Variants in MBTD1 observed in about 807,000 individuals in gnomAD.
MBTD1 encodes mbt domain containing 1, also known as MBT domain-containing protein 1.
In MBTD1, 24 loss-of-function variants were observed where a neutral mutation model predicts 87.8. The ratio of observed to expected loss-of-function variants is 0.27; its 90% CI spans 0.20 to 0.38. The LOEUF is 0.38. Among genes scored for constraint, MBTD1 ranks in the 10% least tolerant of loss-of-function variants. MBTD1 has a pLI of 1.00. For synonymous variants in MBTD1, 237 were observed against 248.6 expected, an observed-to-expected ratio of 0.95 and a Z score of 0.44; for missense variants, 436 against 760.2, an observed-to-expected ratio of 0.57 and a Z score of 5.02.
At chr17:51,194,365 T>A (rs1291109868) in intron 13 of MBTD1, among the ~76,000 whole-genome samples, 1 of 151,302 alleles carries the variant, frequency 6.6e-6, no homozygotes, top group Non-Finnish European at 1.5e-5. Flanking sequence ...AGGCCAGGAG[T>A]TCGTGATGAG....
intron 16 of MBTD1, among the ~76,000 whole-genome samples, chr17:51,190,721 CAAAAAAAAAAAAAAAAA>C (rs1165717944): frequency 1.1e-4 from 4 of 35,160 alleles, no homozygotes; most frequent in Admixed American, 5.7e-4. Flanking sequence ...GACTCTGTCT[CAAAAAAAAAAAAAAAAA>C]AAAAAAAAAA....
At chr17:51,236,203 TTTTGTTCACACTGC>T (rs1307097439) in intron 2 of MBTD1, among the ~76,000 whole-genome samples, 5 of 152,172 alleles carry the variant, frequency 3.3e-5, no homozygotes, top group Admixed American at 3.3e-4. Context: ...ATCCCCAGTG[TTTTGTTCACACTGC>T]TTTGTTCACA....
Position 51,259,859 on chromosome 17 carries a change from G to A in MBTD1, c.-137C>T. ...CCAGATCCTTTGTGTTTTCCATCAGGGCCTCATGGGTAGGGGTTGTCCGTG... is the reference window on the plus strand; with the variant it reads ...CCAGATCCTTTGTGTTTTCCATCAGAGCCTCATGGGTAGGGGTTGTCCGTG... On this transcript the variant is annotated 5_prime_UTR_variant, in exon 1 of 17. Coordinates refer to ENST00000586178, the MANE Select transcript of MBTD1 (RefSeq NM_017643.3). 6.5e-6 allele frequency: 8 copies of A among 1,231,928 alleles called. No individual in the cohort carries two copies. The highest frequency in any genetic ancestry group is 8.1e-6 in the Non-Finnish European group (8 of 987,874). 76.3% of individuals were successfully genotyped at this position (1,231,928 alleles called of 1,614,324 possible).
intron 2 of MBTD1, among the ~76,000 whole-genome samples, chr17:51,243,736 A>G (rs1303105616): frequency 1.3e-5 from 2 of 152,166 alleles, no homozygotes; most frequent in Non-Finnish European, 2.9e-5. Flanking sequence ...TATGTTGCCC[A>G]GACTGGACTC....
intron 3 of MBTD1, among the ~76,000 whole-genome samples, chr17:51,223,577 A>G (rs867446263): frequency 6.0e-5 from 9 of 149,680 alleles, no homozygotes; most frequent in Admixed American, 5.3e-4. Flanking sequence ...GGCTCACCCC[A>G]GTAATCCCAG....
intron 2 of MBTD1, among the ~76,000 whole-genome samples, chr17:51,228,135 C>G (rs2053334923): frequency 1.3e-5 from 2 of 152,018 alleles, no homozygotes. Context: ...AAACCAAATA[C>G]CACATGTTCT....
intron 13 of MBTD1, 85 bp from the exon 14 acceptor site, chr17:51,193,595 AT>A (rs2050915985): frequency 1.3e-6 from 1 of 773,696 alleles, no homozygotes; most frequent in Non-Finnish European, 2.2e-6. Flanking sequence ...AGTACAAAAA[AT>A]CTTAAGAGCA....
In MBTD1 at chr17:51,179,482, T is replaced by TTATATATATATA. The variant is rs1491325264; in HGVS notation, c.*1093_*1094insTATATATATATA. ...AAATCCTGAATACAATTAAAGACAA[T>TTATATATATATA]TTTATATATATATATATATATATAT... On this transcript the variant is annotated 3_prime_UTR_variant, in exon 17 of 17. Transcript: ENST00000586178. 3.2e-5 allele frequency: 1 copy of TTATATATATATA among 31,640 alleles called. No individual in the cohort carries two copies. The highest frequency in any genetic ancestry group is 5.3e-5 in the Non-Finnish European group (1 of 18,742). The allele number at this position is 31,640 out of a possible 1,614,324, so 2.0% of individuals were successfully genotyped here.
At chr17:51,182,302 T>C (rs1349618730) in intron 16 of MBTD1, among the ~76,000 whole-genome samples, 2 of 152,082 alleles carry the variant, frequency 1.3e-5, no homozygotes, top group African/African-American at 4.8e-5. Flanking sequence ...TTCTTTTGTA[T>C]TTTTAGTAGA....
intron 16 of MBTD1, among the ~76,000 whole-genome samples, chr17:51,189,144 A>G (rs536594711): frequency 4.1e-5 from 6 of 145,890 alleles, no homozygotes; most frequent in Non-Finnish European, 8.9e-5. Context: ...GGGCCATTTA[A>G]TGTAAATATT....
At position 51,259,878 on chromosome 17, in the gene MBTD1, G is replaced by T; in HGVS notation, c.-156C>A. Reference sequence around the variant, plus strand: ...CATCAGGGCCTCATGGGTAGGGGTTGTCCGTGCTCCCCGAGCCCGCGGCGC... The same window carrying T: ...CATCAGGGCCTCATGGGTAGGGGTTTTCCGTGCTCCCCGAGCCCGCGGCGC... On this transcript the variant is annotated 5_prime_UTR_variant, in exon 1 of 17. Coordinates refer to ENST00000586178, the MANE Select transcript of MBTD1 (RefSeq NM_017643.3). The T allele has an allele frequency of 8.1e-7, 1 of 1,231,864 alleles. No individual in the cohort carries two copies. Among genetic ancestry groups the T allele is most frequent in the Non-Finnish European group, 1.0e-6 (1 of 987,848 alleles). The allele number at this position is 1,231,864 out of a possible 1,614,324, so 76.3% of individuals were successfully genotyped here.
At chr17:51,193,975 TC>T (rs1265322435) in intron 13 of MBTD1, among the ~76,000 whole-genome samples, 1 of 152,118 alleles carries the variant, frequency 6.6e-6, no homozygotes, top group Non-Finnish European at 1.5e-5. Context: ...CAGATTTCCC[TC>T]CCCTCTCTAG....
chr17:51,232,581 T>C (rs980785326), intron 2 of MBTD1, among the ~76,000 whole-genome samples: 3 of 151,710 alleles, frequency 2.0e-5, no homozygotes, highest in African/African-American at 4.8e-5. Flanking sequence ...ACACTCAAAA[T>C]GCAGCAAAGA....
rs2050872041 is a variant in MBTD1, at chr17:51,192,705, AGATGACTTAT to A, written c.1690+67_1690+76del. ...TATATTCTTGTCCTGTGAGCTCATA[AGATGACTTAT>A]GTGAGATAGTCCTCTGGAGAATTGC... On this transcript the variant is annotated intron_variant, in intron 15 of 16. Transcript: ENST00000586178. 3.2e-6 allele frequency: 5 copies of A among 1,579,282 alleles called. No homozygotes were observed. The East Asian group carries it at 1.1e-4, about 35-fold the overall frequency.
intron 6 of MBTD1, 58 bp from the exon 7 acceptor site, chr17:51,207,063 A>C: frequency 6.7e-6 from 6 of 897,470 alleles, no homozygotes; most frequent in African/African-American, 1.6e-5. Context: ...AAAACATATC[A>C]ATGAAAATTA....
At chr17:51,240,965 T>C (rs2144021681) in intron 2 of MBTD1, among the ~76,000 whole-genome samples, 1 of 152,222 alleles carries the variant, frequency 6.6e-6, no homozygotes, top group Non-Finnish European at 1.5e-5. Flanking sequence ...CATCCACCCC[T>C]TATTGGTGAT....
At chr17:51,246,944 G>C (rs1252840811) in intron 2 of MBTD1, among the ~76,000 whole-genome samples, 2 of 151,848 alleles carry the variant, frequency 1.3e-5, no homozygotes, top group Non-Finnish European at 2.9e-5. Flanking sequence ...CTGGCCATTT[G>C]TTTTCTTTTC....
At chr17:51,221,624 C>T (rs2052895580) in intron 3 of MBTD1, among the ~76,000 whole-genome samples, 1 of 149,660 alleles carries the variant, frequency 6.7e-6, no homozygotes, top group Non-Finnish European at 1.5e-5. Flanking sequence ...CAAAAGCAGA[C>T]TGAAAATATT....
At chr17:51,228,270 A>C (rs1206081298) in intron 2 of MBTD1, among the ~76,000 whole-genome samples, 1 of 152,144 alleles carries the variant, frequency 6.6e-6, no homozygotes, top group Non-Finnish European at 1.5e-5. Context: ...ACGAATGAGT[A>C]CTAGGCTACT....
Sources: allele counts gnomAD v4.1 joint callset (sites outside exome capture counted in the v4.1 genomes callset), GRCh38; gene constraint gnomAD v4.1.1; transcripts MANE v1.5; gene names NCBI Gene and HGNC (gene_info 2026-07-23, HGNC 2026-07-21).